The following SAFB variants were observed in gnomAD, a reference collection of about 807,000 sequenced individuals.
The protein encoded by SAFB is scaffold attachment factor B, also known as scaffold attachment factor B1.
A neutral mutation model predicts 101.6 loss-of-function variants in SAFB; 15 were observed. The observed-to-expected ratio is 0.15, with a 90% CI of 0.10 to 0.23. The LOEUF (loss-of-function observed/expected upper bound fraction) is 0.23, where lower values mean the gene tolerates loss of function less well. Among genes scored for constraint, SAFB ranks in the 10% least tolerant of loss-of-function variants. The pLI, the probability that SAFB is intolerant of heterozygous loss-of-function variation, is 1.00. For synonymous variants in SAFB, 449 were observed against 407.5 expected (o/e 1.10, Z -1.23); for missense variants, 930 against 1,104.1 (o/e 0.84, Z 2.23).
At position 5,633,780 on chromosome 19, in the gene SAFB, A is replaced by G. The variant is rs548744467; in HGVS notation, c.274+7291A>G. Among the ~76,000 whole-genome samples the G allele has an allele frequency of 6.2e-4, 88 of 142,448 alleles. 1 individual carries two copies. The highest frequency in any genetic ancestry group is 7.1e-3 in the Middle Eastern group (2 of 282). 93.5% of individuals were successfully genotyped at this position (142,448 alleles called of 152,430 possible). A position where few individuals can be genotyped will look rare whatever the true frequency, so the allele number is the denominator to read the frequency against. On this transcript the variant is annotated intron_variant, in intron 2 of 20. Transcript: ENST00000588852. The stretch of plus-strand genomic sequence containing the variant: ...GGCGACAGAGCGAGACTCCGTCTCA[A>G]AAAAAAAAAAAGAAAAAAGAAACCA...
At position 5,667,126 on chromosome 19, in the gene SAFB, G is replaced by A; in HGVS notation, c.2415G>A (p.Lys805=). The change falls in exon 18 of 21, where the codon AAG becomes AAA. Residue 805 remains lysine (K), a synonymous_variant. Coordinates refer to ENST00000588852, the MANE Select transcript of SAFB (RefSeq NM_001201338.2). The surrounding 1 kb of genome is among the most constrained non-coding windows in gnomAD (Gnocchi z 4.0). ...GCTGGGGGGGCTATGGCTCTGACAA[G>A]AGGATGAGCGAGGGCCGGGGGCTGC... is the stretch of plus-strand genomic sequence containing the variant. ...RDGWGGYGSD[K]RMSEGRGLPP... is the part of the protein sequence containing the mutation. 2 of 1,610,976 alleles carry A rather than the reference G, an allele frequency of 1.2e-6. No individual in the cohort carries two copies. The highest frequency in any genetic ancestry group is 1.1e-5 in the South Asian group (1 of 91,040).
At chr19:5,623,755 CG>C (rs2053258726) in intron 1 of SAFB, among the ~76,000 whole-genome samples, 1 of 151,668 alleles carries the variant, frequency 6.6e-6, no homozygotes, top group Non-Finnish European at 1.5e-5. Flanking sequence ...GGAAGGGACT[CG>C]GCCAAGGTCA....
chr19:5,648,295 T>C, intron 6 of SAFB: 3 of 512,566 alleles, frequency 5.9e-6, no homozygotes, highest in Non-Finnish European at 1.0e-5. Context: ...CCTTTTTGAA[T>C]ATCAACAGCA....
At position 5,667,515 on chromosome 19, in the gene SAFB, C is replaced by A. The variant is rs1599394969; in HGVS notation, c.2557+65C>A. On this transcript the variant is annotated intron_variant, in intron 19 of 20. Coordinates refer to ENST00000588852, the MANE Select transcript of SAFB (RefSeq NM_001201338.2). The surrounding 1 kb of genome is among the most constrained non-coding windows in gnomAD (Gnocchi z 4.0). ...GAGTGATGGAAAGATGGAGGCCGCG[C>A]CTTCTCTCCTTGGGGGAGCACAGGA... 1.7e-6 allele frequency: 2 copies of A among 1,159,246 alleles called. No homozygotes were observed. Among genetic ancestry groups the A allele is most frequent in the African/African-American group, 1.6e-5 (1 of 63,412 alleles). 71.8% of individuals were successfully genotyped at this position (1,159,246 alleles called of 1,614,324 possible).
chr19:5,662,070 A>G (rs1305099216), intron 15 of SAFB, among the ~76,000 whole-genome samples: 5 of 152,010 alleles, frequency 3.3e-5, no homozygotes, highest in Non-Finnish European at 7.4e-5. Context: ...TATTTTCAGT[A>G]GAGACGGGGT....
chr19:5,635,815 G>A (rs1474333577), intron 2 of SAFB, among the ~76,000 whole-genome samples: 1 of 152,072 alleles, frequency 6.6e-6, no homozygotes, highest in South Asian at 2.1e-4. Flanking sequence ...CCACAAACTA[G>A]GGTGAAGAGC....
chr19:5,648,186 G>A (rs774220514), intron 6 of SAFB, 143 bp downstream of exon 6: 14 of 674,362 alleles, frequency 2.1e-5, no homozygotes, highest in Non-Finnish European at 2.2e-5. Flanking sequence ...AAACCTACCA[G>A]GATCATAGAG....
At chr19:5,657,202 G>A in intron 13 of SAFB, 39 bp from the exon 14 acceptor site, 1 of 1,499,606 alleles carries the variant, frequency 6.7e-7, no homozygotes, top group Non-Finnish European at 9.3e-7. Context: ...TCCGTGCCTG[G>A]CCTCTGCTTT....
At chr19:5,663,296 C>T (rs932078418) in intron 15 of SAFB, among the ~76,000 whole-genome samples, 4 of 152,310 alleles carry the variant, frequency 2.6e-5, no homozygotes, top group Admixed American at 1.3e-4. Flanking sequence ...CCACTACGCC[C>T]GGCAGTAAGA....
chr19:5,649,917 T>C lies in SAFB; in HGVS notation c.1149-9T>C. On this transcript the variant is annotated splice_polypyrimidine_tract_variant and intron_variant, in intron 7 of 20. Coordinates refer to ENST00000588852, the MANE Select transcript of SAFB (RefSeq NM_001201338.2). ...TTCCTTGTGGAGTGACATTGTCTTT[T>C]GTCTCTAGTTCTCCCGAAGATGACT... 6.2e-7 allele frequency: 1 copy of C among 1,613,288 alleles called. No homozygotes were observed. Among genetic ancestry groups the C allele is most frequent in the South Asian group, 1.1e-5 (1 of 91,070 alleles).
At position 5,623,320 on chromosome 19, in the gene SAFB, C is replaced by G; in HGVS notation, c.115C>G (p.Leu39Val). The change falls in exon 1 of 21, where the codon CTG (leucine) becomes GTG (valine). Residue 39 changes from leucine (L) to valine (V), a missense_variant. Leu to Val is a conservative substitution (Grantham distance 32). Coordinates refer to ENST00000588852, the MANE Select transcript of SAFB (RefSeq NM_001201338.2). ...CCTCAGCGACCTGCGAGTGATCGATCTGCGGGCGGAGCTGAGGAAACGGAA... is the reference window on the plus strand; with the variant it reads ...CCTCAGCGACCTGCGAGTGATCGATGTGCGGGCGGAGCTGAGGAAACGGAA... Reference protein sequence around the residue: ...RRLSDLRVIDLRAELRKRNVD... With the variant: ...RRLSDLRVIDVRAELRKRNVD... The G allele has an allele frequency of 6.2e-7, 1 of 1,614,066 alleles. No homozygotes were observed. The highest frequency in any genetic ancestry group is 8.5e-7 in the Non-Finnish European group (1 of 1,179,936).
chr19:5,658,720 GTAGTCCCAGC>G (rs1423607765), intron 14 of SAFB, among the ~76,000 whole-genome samples: 1 of 152,026 alleles, frequency 6.6e-6, no homozygotes, highest in Non-Finnish European at 1.5e-5. Flanking sequence ...GCGGGCGCCT[GTAGTCCCAGC>G]TACTCGGTAG....
Position 5,653,263 on chromosome 19 carries a change from A to G in SAFB, c.1442A>G (p.Lys481Arg). The change falls in exon 10 of 21, where the codon AAA becomes AGA. Residue 481 changes from lysine (K) to arginine (R), a missense_variant and splice_region_variant. Physicochemically the swap from Lys to Arg is conservative, Grantham distance 26. Coordinates refer to ENST00000588852, the MANE Select transcript of SAFB (RefSeq NM_001201338.2). The part of the protein sequence containing the change: ...ELHGKMISVE[K>R]AKNEPVGKKT... ...CACGGAAAGATGATCTCCGTGGAGA[A>G]AGTGAGTGGCCGTTTTCTTCCCAGG... is the stretch of plus-strand genomic sequence containing the variant. 1 of 1,614,144 alleles carries G rather than the reference A, an allele frequency of 6.2e-7. No individual in the cohort carries two copies. Among genetic ancestry groups the G allele is most frequent in the South Asian group, 1.1e-5 (1 of 91,078 alleles).
intron 2 of SAFB, among the ~76,000 whole-genome samples, chr19:5,629,975 G>A (rs2145400985): frequency 6.6e-6 from 1 of 152,336 alleles, no homozygotes. Flanking sequence ...CTGGGAGACT[G>A]AGGTTGCATT....
chr19:5,631,964 G>A (rs965222735), intron 2 of SAFB, among the ~76,000 whole-genome samples: 1 of 152,146 alleles, frequency 6.6e-6, no homozygotes, highest in Non-Finnish European at 1.5e-5. Flanking sequence ...GGAGGATCAC[G>A]TGAGTCCAGG....
chr19:5,623,153 A>T lies in SAFB; in HGVS notation c.-53A>T. 1 of 1,533,962 alleles carries T rather than the reference A, an allele frequency of 6.5e-7. No individual in the cohort carries two copies. The highest frequency in any genetic ancestry group is 1.2e-5 in the South Asian group (1 of 83,810). The stretch of plus-strand genomic sequence containing the variant: ...GGCGCCATTTTGTGCTAGGAGCCTG[A>T]TAAAACCGGCCCGGTTCTGTGGAAA... On this transcript the variant is annotated 5_prime_UTR_variant, in exon 1 of 21. Coordinates refer to ENST00000588852, the MANE Select transcript of SAFB (RefSeq NM_001201338.2).
chr19:5,635,461 G>T (rs181160687), intron 2 of SAFB, among the ~76,000 whole-genome samples: 3 of 152,112 alleles, frequency 2.0e-5, no homozygotes, highest in Admixed American at 6.6e-5. Flanking sequence ...AGCTGGGAAC[G>T]TTGGTAACCT....
chr19:5,661,385 G>A, intron 14 of SAFB, 133 bp from the exon 15 acceptor site: 9 of 1,482,160 alleles, frequency 6.1e-6, no homozygotes. Flanking sequence ...TCCCGCTGGA[G>A]TGTACGGTTC....
chr19:5,661,633 G>A lies in SAFB; in HGVS notation c.1978G>A (p.Glu660Lys). The stretch of plus-strand genomic sequence containing the variant: ...GCTGGCCTTCCAGCGCCAGCGGCTG[G>A]AGCGGGAGCGCATGGAGCGGGAACG... ...ERLAFQRQRLERERMERERLE... is the reference protein window; with the variant it reads ...ERLAFQRQRLKRERMERERLE... The change falls in exon 15 of 21, where the codon GAG becomes AAG. Residue 660 changes from glutamate (E) to lysine (K), a missense_variant. By Grantham distance (56) the Glu-to-Lys change is moderately conservative (BLOSUM62 1). Coordinates refer to ENST00000588852, the MANE Select transcript of SAFB (RefSeq NM_001201338.2). The A allele has an allele frequency of 1.9e-6, 3 of 1,612,452 alleles. No homozygotes were observed. Among genetic ancestry groups the A allele is most frequent in the Non-Finnish European group, 2.5e-6 (3 of 1,179,722 alleles).
Sources: gnomAD v4.1 joint callset for allele counts (sites outside exome capture counted in the v4.1 genomes callset) on GRCh38, gnomAD v4.1.1 for gene constraint, Gnocchi (gnomAD v3.1) non-coding constraint, MANE v1.5 for transcripts, NCBI Gene and HGNC (gene_info 2026-07-23, HGNC 2026-07-21) for gene names.